Variants in FHIT observed in about 807,000 individuals in gnomAD.
FHIT encodes the protein fragile histidine triad diadenosine triphosphatase.
A neutral mutation model predicts 17.9 loss-of-function variants in FHIT; 19 were observed. That is an observed-to-expected ratio of 1.06 (90% confidence interval 0.74 to 1.56). The LOEUF (loss-of-function observed/expected upper bound fraction) is 1.56. Among genes scored for constraint, FHIT ranks in the 40% most tolerant of loss-of-function variants. The pLI is 0.00. For synonymous variants in FHIT, 81 were observed against 69.7 expected (o/e 1.16, Z -0.81); for missense variants, 248 against 189.2 (o/e 1.31, Z -1.82).
At chr3:59,886,665 G>C (rs1036494991) in intron 8 of FHIT, among the ~76,000 whole-genome samples, 1 of 152,132 alleles carries the variant, frequency 6.6e-6, no homozygotes, top group Non-Finnish European at 1.5e-5. Flanking sequence ...CTCACCAACA[G>C]AGAGGTCATT....
intron 8 of FHIT, among the ~76,000 whole-genome samples, chr3:59,918,223 T>C (rs1276391491): frequency 6.6e-6 from 1 of 152,228 alleles, no homozygotes; most frequent in Non-Finnish European, 1.5e-5. Context: ...CCTTGTTTTT[T>C]TTTAAATGTG....
At chr3:60,090,335 G>C (rs1703677367) in intron 5 of FHIT, among the ~76,000 whole-genome samples, 1 of 152,154 alleles carries the variant, frequency 6.6e-6, no homozygotes, top group African/African-American at 2.4e-5. Context: ...TTACTTTTCA[G>C]ACCATTCTAC....
At chr3:61,051,908 T>C (rs2034042718) in intron 2 of FHIT, among the ~76,000 whole-genome samples, 1 of 152,190 alleles carries the variant, frequency 6.6e-6, no homozygotes, top group Admixed American at 6.5e-5. Flanking sequence ...GGAGCTGCTC[T>C]CTATACACAT....
chr3:60,964,946 T>C (rs1241648807), intron 3 of FHIT, among the ~76,000 whole-genome samples: 1 of 152,196 alleles, frequency 6.6e-6, no homozygotes, highest in East Asian at 1.9e-4. Flanking sequence ...TTTGTGGTTG[T>C]CTCTGTATTT....
chr3:61,043,320 C>T (rs188266590), intron 2 of FHIT, among the ~76,000 whole-genome samples: 263 of 151,508 alleles, frequency 1.7e-3, no homozygotes, highest in African/African-American at 6.1e-3. Context: ...GCGCCTAGCT[C>T]GGAGGGTCCC....
At chr3:60,095,039 T>G (rs1703885172) in intron 5 of FHIT, among the ~76,000 whole-genome samples, 1 of 152,184 alleles carries the variant, frequency 6.6e-6, no homozygotes, top group Non-Finnish European at 1.5e-5. Context: ...GTAGCTTTCA[T>G]GCAAATGAAC....
In FHIT at chr3:60,229,533, C is replaced by T. The variant is rs115502080; in HGVS notation, c.104-215381G>A. On this transcript the variant is annotated intron_variant, in intron 5 of 9. Coordinates refer to ENST00000492590, the MANE Select transcript of FHIT (RefSeq NM_002012.4). ...CCCAGGGATTAAGGAAATTAAGGAA[C>T]AGGTGTACACAGTAAAAGTATAAAA... 4.9e-3 allele frequency among the ~76,000 whole-genome samples: 747 copies of T among 151,836 alleles called. 4 individuals carry two copies. Among genetic ancestry groups the T allele is most frequent in the Non-Finnish European group, 7.5e-3 (513 of 67,970 alleles).
chr3:60,619,519 C>T (rs1312259751), intron 4 of FHIT, among the ~76,000 whole-genome samples: 9 of 146,938 alleles, frequency 6.1e-5, no homozygotes, highest in African/African-American at 2.3e-4. Context: ...GCAAAAGCCA[C>T]CAAATACATC....
At chr3:59,883,375 G>C (rs991998690) in intron 8 of FHIT, among the ~76,000 whole-genome samples, 3 of 152,158 alleles carry the variant, frequency 2.0e-5, no homozygotes, top group Non-Finnish European at 4.4e-5. Context: ...GTTCCATGTG[G>C]CTGTGGAGGC....
At chr3:60,254,636 A>C (rs1029209095) in intron 5 of FHIT, among the ~76,000 whole-genome samples, 1 of 152,200 alleles carries the variant, frequency 6.6e-6, no homozygotes, top group Non-Finnish European at 1.5e-5. Flanking sequence ...TTAGGTTTCT[A>C]CAGGAGTAAT....
chr3:60,165,828 C>T (rs1018926095), intron 5 of FHIT, among the ~76,000 whole-genome samples: 3 of 152,090 alleles, frequency 2.0e-5, no homozygotes, highest in Admixed American at 6.6e-5. Context: ...GGTCCCACTA[C>T]TGAGAGGTGT....
chr3:60,525,901 GAGATC>G (rs1251009800), intron 5 of FHIT, among the ~76,000 whole-genome samples: 2 of 152,196 alleles, frequency 1.3e-5, no homozygotes, highest in Non-Finnish European at 1.5e-5. Flanking sequence ...TCAGGAGTTT[GAGATC>G]AGCCTGAGCA....
At chr3:60,549,759 G>A (rs1400052762) in intron 4 of FHIT, among the ~76,000 whole-genome samples, 1 of 152,154 alleles carries the variant, frequency 6.6e-6, no homozygotes, top group Non-Finnish European at 1.5e-5. Flanking sequence ...TAGGCAACCA[G>A]GAAGTCAGAC....
At chr3:60,130,894 T>TGC (rs1553692925) in intron 5 of FHIT, among the ~76,000 whole-genome samples, 3 of 144,828 alleles carry the variant, frequency 2.1e-5, no homozygotes, top group Admixed American at 1.4e-4. Context: ...TATACACACA[T>TGC]ACACATATAT....
intron 8 of FHIT, among the ~76,000 whole-genome samples, chr3:59,903,534 T>C (rs9864403): frequency 0.11 from 17,503 of 152,208 alleles, 1,967 homozygotes; most frequent in African/African-American, 0.29. Context: ...TTATCATTCA[T>C]TCACCTGCAT....
In FHIT at chr3:60,842,111, T is replaced by C. The variant is rs576717848; in HGVS notation, c.-110-20100A>G. Among the ~76,000 whole-genome samples, 21 of 152,300 alleles carry C rather than the reference T, an allele frequency of 1.4e-4. No individual in the cohort carries two copies. The East Asian group carries it at 4.1e-3, about 29-fold the overall frequency. On this transcript the variant is annotated intron_variant, in intron 3 of 9. Coordinates refer to ENST00000492590, the MANE Select transcript of FHIT (RefSeq NM_002012.4). ...CCTAGAGAGTAGTTCCCAAAACTTCTAGGCTTCAGAATCTTGACAAAGTCA... is the reference window on the plus strand; with the variant it reads ...CCTAGAGAGTAGTTCCCAAAACTTCCAGGCTTCAGAATCTTGACAAAGTCA...
chr3:60,300,520 G>C (rs1026259564), intron 5 of FHIT, among the ~76,000 whole-genome samples: 1 of 152,000 alleles, frequency 6.6e-6, no homozygotes, highest in Non-Finnish European at 1.5e-5. Flanking sequence ...GTTTTGTTTT[G>C]TTTTTTCCTG....
chr3:60,501,360 A>G (rs2034518073), intron 5 of FHIT, among the ~76,000 whole-genome samples: 1 of 152,248 alleles, frequency 6.6e-6, no homozygotes. Context: ...ACAGACTCCC[A>G]GAGTTGCAAT....
At chr3:60,147,202 A>G (rs1453297396) in intron 5 of FHIT, among the ~76,000 whole-genome samples, 1 of 152,222 alleles carries the variant, frequency 6.6e-6, no homozygotes, top group African/African-American at 2.4e-5. Context: ...CTCCAACAAT[A>G]CAAAGCTTTC....
Sources: gnomAD v4.1 joint callset for allele counts (sites outside exome capture counted in the v4.1 genomes callset) on GRCh38, gnomAD v4.1.1 for gene constraint, MANE v1.5 for transcripts, NCBI Gene and HGNC (gene_info 2026-07-23, HGNC 2026-07-21) for gene names.